ADAM12: variants seen among roughly 807,000 people sequenced by gnomAD.
ADAM12 encodes the protein disintegrin and metalloproteinase domain-containing protein 12.
A neutral mutation model predicts 106.4 loss-of-function variants in ADAM12; 70 were observed. That is an observed-to-expected ratio of 0.66 (90% CI 0.54 to 0.80). The LOEUF is 0.80. ADAM12 is among the 30% of genes least tolerant of loss of function. The probability of loss-of-function intolerance (pLI) is 0.00; values close to 1 mark genes in which losing one functional copy is unlikely to be tolerated. For synonymous variants in ADAM12, 420 were observed against 433.5 expected (o/e 0.97, Z 0.39); for missense variants, 1,010 against 1,171.9 (o/e 0.86, Z 2.02).
In ADAM12 at chr10:126,064,801, C is replaced by A; in HGVS notation, c.1609+5G>T. ...CCTGATGCCGAGCTTGTGGCGGCCA[C>A]GTACCTGGTCCCCAGAGCGTGACAC... is the stretch of plus-strand genomic sequence containing the variant. On this transcript the variant is annotated splice_donor_5th_base_variant and intron_variant, in intron 14 of 22. Transcript: ENST00000448723. The surrounding 1 kb of genome is among the most constrained non-coding windows in gnomAD (Gnocchi z 4.4). The A allele has an allele frequency of 6.3e-7, 1 of 1,598,240 alleles. No homozygotes were observed. Among genetic ancestry groups the A allele is most frequent in the Admixed American group, 1.7e-5 (1 of 58,668 alleles).
At chr10:126,203,898 C>T (rs941126235) in intron 3 of ADAM12, among the ~76,000 whole-genome samples, 1 of 151,946 alleles carries the variant, frequency 6.6e-6, no homozygotes, top group African/African-American at 2.4e-5. Context: ...TAGATGTATT[C>T]TTGGAGAAAT....
chr10:126,033,377 T>C (rs1019093326), intron 21 of ADAM12, among the ~76,000 whole-genome samples: 1 of 152,180 alleles, frequency 6.6e-6, no homozygotes, highest in Non-Finnish European at 1.5e-5. Flanking sequence ...GTGGAATAAG[T>C]ACATTTCACC....
chr10:126,216,142 G>A (rs1957983372), intron 3 of ADAM12, among the ~76,000 whole-genome samples: 2 of 152,174 alleles, frequency 1.3e-5, no homozygotes, highest in African/African-American at 4.8e-5. Flanking sequence ...AGAAGATAGT[G>A]AAACTCCCTA....
At chr10:126,132,284 C>T (rs1185579547) in intron 5 of ADAM12, among the ~76,000 whole-genome samples, 1 of 152,168 alleles carries the variant, frequency 6.6e-6, no homozygotes, top group East Asian at 1.9e-4. Flanking sequence ...CAGCTTTTCT[C>T]TTCTTTACAC....
chr10:126,316,423 G>A (rs149408769), intron 2 of ADAM12, among the ~76,000 whole-genome samples: 309 of 152,240 alleles, frequency 2.0e-3, no homozygotes, highest in Middle Eastern at 3.4e-3. Flanking sequence ...TAGTATCCTA[G>A]GCAGGGCCTC....
At chr10:126,379,070 G>A (rs1856399921) in intron 1 of ADAM12, among the ~76,000 whole-genome samples, 1 of 152,104 alleles carries the variant, frequency 6.6e-6, no homozygotes, top group Non-Finnish European at 1.5e-5. Context: ...AACCAAAATA[G>A]GAAGGCTTTT....
At chr10:126,239,394 A>AT (rs1405264234) in intron 3 of ADAM12, among the ~76,000 whole-genome samples, 1 of 152,196 alleles carries the variant, frequency 6.6e-6, no homozygotes, top group Non-Finnish European at 1.5e-5. Context: ...ATAACAGTGA[A>AT]TTTTTTGTTG....
At chr10:126,019,578 A>AG (rs1351948968) in intron 22 of ADAM12, 117 bp downstream of exon 22, 7 of 1,317,234 alleles carry the variant, frequency 5.3e-6, no homozygotes, top group Admixed American at 4.6e-5. Context: ...TCCCAGTTGT[A>AG]GGGGGAGCAG....
chr10:126,128,566 C>T (rs557019007), intron 5 of ADAM12, among the ~76,000 whole-genome samples: 25 of 151,238 alleles, frequency 1.7e-4, no homozygotes, highest in African/African-American at 4.6e-4. Flanking sequence ...TGCAAGTGGG[C>T]GCCTGTGCAT....
At chr10:126,155,634 C>A (rs1397445854) in intron 3 of ADAM12, among the ~76,000 whole-genome samples, 1 of 152,196 alleles carries the variant, frequency 6.6e-6, no homozygotes, top group Non-Finnish European at 1.5e-5. Flanking sequence ...TTGTCACACA[C>A]ATATACTCTT....
At chr10:126,135,901 C>T (rs958084922) in intron 4 of ADAM12, among the ~76,000 whole-genome samples, 5 of 152,356 alleles carry the variant, frequency 3.3e-5, no homozygotes, top group African/African-American at 1.2e-4. Flanking sequence ...ACTCTTGTCT[C>T]TCTGGCACCC....
At chr10:126,380,570 C>T (rs536185191) in intron 1 of ADAM12, among the ~76,000 whole-genome samples, 25 of 152,268 alleles carry the variant, frequency 1.6e-4, no homozygotes, top group East Asian at 1.5e-3. Context: ...CAAAGACCTG[C>T]GCACCGCTCC....
At chr10:126,136,687 A>T (rs1379833563) in intron 4 of ADAM12, among the ~76,000 whole-genome samples, 3 of 152,208 alleles carry the variant, frequency 2.0e-5, no homozygotes, top group Admixed American at 1.3e-4. Flanking sequence ...CAATTGAGTC[A>T]TGAAGAAAAC....
chr10:126,187,702 C>T (rs1000930504), intron 3 of ADAM12, among the ~76,000 whole-genome samples: 10 of 152,208 alleles, frequency 6.6e-5, no homozygotes, highest in African/African-American at 2.4e-4. Flanking sequence ...AGGGTGGGCA[C>T]AGAGAGGGCA....
intron 11 of ADAM12, among the ~76,000 whole-genome samples, chr10:126,087,112 A>G (rs1391296953): frequency 6.6e-6 from 1 of 152,164 alleles, no homozygotes; most frequent in Non-Finnish European, 1.5e-5. Flanking sequence ...AATATCCCCT[A>G]AACTGGATAT....
chr10:126,161,103 C>T (rs994362461), intron 3 of ADAM12, among the ~76,000 whole-genome samples: 2 of 139,624 alleles, frequency 1.4e-5, no homozygotes, highest in Non-Finnish European at 3.2e-5. Context: ...TTATGCGTCT[C>T]CTTACTTATT....
intron 3 of ADAM12, among the ~76,000 whole-genome samples, chr10:126,188,555 G>A (rs1224099855): frequency 6.6e-6 from 1 of 152,174 alleles, no homozygotes; most frequent in Non-Finnish European, 1.5e-5. Context: ...GTCTGTGTGT[G>A]AACTTACAGC....
At chr10:126,319,198 G>A (rs1854005138) in intron 2 of ADAM12, among the ~76,000 whole-genome samples, 2 of 152,164 alleles carry the variant, frequency 1.3e-5, no homozygotes, top group African/African-American at 4.8e-5. Context: ...TCCAAATAAT[G>A]GATGCAGCTA....
chr10:126,149,193 G>T (rs1956684489), intron 4 of ADAM12, among the ~76,000 whole-genome samples: 1 of 152,222 alleles, frequency 6.6e-6, no homozygotes, highest in Non-Finnish European at 1.5e-5. Context: ...GTGCACATGT[G>T]AATCAGAGAA....
Sources: allele counts gnomAD v4.1 joint callset (sites outside exome capture counted in the v4.1 genomes callset), GRCh38; gene constraint gnomAD v4.1.1; non-coding constraint Gnocchi (gnomAD v3.1); transcripts MANE v1.5; gene names NCBI Gene and HGNC (gene_info 2026-07-23, HGNC 2026-07-21).